The following DEFA5 variants were observed in gnomAD, a reference collection of about 807,000 sequenced individuals.
The protein encoded by DEFA5 is defensin alpha 5.
In DEFA5, 11 loss-of-function variants were observed where a neutral mutation model predicts 8.7. The observed-to-expected ratio is 1.26, with a 90% CI of 0.80 to 2.09. The LOEUF is 2.09. DEFA5 is among the 30% of genes most tolerant of loss of function. DEFA5 has a pLI of 0.00. For synonymous variants in DEFA5, 52 were observed against 43.9 expected, an observed-to-expected ratio of 1.18 and a Z score of -0.73; for missense variants, 181 against 117.2, an observed-to-expected ratio of 1.54 and a Z score of -2.52.
chr8:7,056,559 C>T lies in DEFA5; in HGVS notation c.139G>A (p.Ala47Thr), dbSNP rs1039227183. Residue 47 changes from alanine to threonine, a missense_variant, in exon 1 of 2, where the codon GCA becomes ACA. Coordinates refer to ENST00000330590, the MANE Select transcript of DEFA5 (RefSeq NM_021010.3). ...CTAAGAGCAGAGAGTCCATTTCCTG[C>T]AAAGGAGATAGCAAGGTCCTGGTTG... is the stretch of plus-strand genomic sequence containing the variant. Reference protein sequence around the residue: ...EDNQDLAISFAGNGLSALRTS... With the variant: ...EDNQDLAISFTGNGLSALRTS... The T allele has an allele frequency of 2.5e-6, 4 of 1,613,494 alleles. No individual in the cohort carries two copies. Among genetic ancestry groups the T allele is most frequent in the Non-Finnish European group, 3.4e-6 (4 of 1,179,638 alleles).
intron 1 of DEFA5, among the ~76,000 whole-genome samples, chr8:7,055,889 C>T (rs1812404911): frequency 6.6e-6 from 1 of 152,142 alleles, no homozygotes; most frequent in South Asian, 2.1e-4. Flanking sequence ...ACAAGGCTCC[C>T]TAAAGCACCT....
At chr8:7,055,640 A>G in intron 1 of DEFA5, 97 bp from the exon 2 acceptor site, 1 of 788,214 alleles carries the variant, frequency 1.3e-6, no homozygotes, top group South Asian at 1.5e-5. Flanking sequence ...GAGACACTGT[A>G]TCAGTCATGT....
intron 1 of DEFA5, 95 bp from the exon 2 acceptor site, chr8:7,055,638 G>C: frequency 1.3e-6 from 1 of 796,006 alleles, no homozygotes; most frequent in Admixed American, 2.1e-5. Context: ...AAGAGACACT[G>C]TATCAGTCAT....
intron 1 of DEFA5, among the ~76,000 whole-genome samples, chr8:7,056,088 T>C (rs1812418745): frequency 6.6e-6 from 1 of 151,160 alleles, no homozygotes; most frequent in Non-Finnish European, 1.5e-5. Flanking sequence ...TAATTGTGTA[T>C]ATGTATGAGA....
intron 1 of DEFA5, among the ~76,000 whole-genome samples, 190 bp downstream of exon 1, chr8:7,056,336 T>C (rs1812428573): frequency 6.6e-6 from 1 of 152,180 alleles, no homozygotes; most frequent in African/African-American, 2.4e-5. Flanking sequence ...GAACTGAAAG[T>C]CTTAGAAAAA....
rs901053288 is a variant in DEFA5, at chr8:7,055,594, C to A, written c.173-51G>T. 2.3e-5 allele frequency: 28 copies of A among 1,226,216 alleles called. 1 individual carries two copies. Among genetic ancestry groups the A allele is most frequent in the Middle Eastern group, 1.8e-4 (1 of 5,420 alleles). The allele number at this position is 1,226,216 out of a possible 1,614,324, so 76.0% of individuals were successfully genotyped here. On this transcript the variant is annotated intron_variant, in intron 1 of 1. Coordinates refer to ENST00000330590, the MANE Select transcript of DEFA5 (RefSeq NM_021010.3). ...ACAGCGAGGGAGGTGGGAAAAAGGA[C>A]AAGCACAGCCAGACTAACTGAGATA...
In DEFA5 at chr8:7,056,529, A is replaced by C; in HGVS notation, c.169T>G (p.Ser57Ala). ...GTGCAAGATTGATGTCTCCTACCTGAGGTTCTAAGAGCAGAGAGTCCATTT... is the reference window on the plus strand; with the variant it reads ...GTGCAAGATTGATGTCTCCTACCTGCGGTTCTAAGAGCAGAGAGTCCATTT... The part of the protein sequence containing the change: ...AGNGLSALRT[S>A]GSQARATCYC... The change falls in exon 1 of 2, where the codon TCA becomes GCA. Residue 57 changes from serine (S) to alanine (A), a missense_variant. Coordinates refer to ENST00000330590, the MANE Select transcript of DEFA5 (RefSeq NM_021010.3). 1.2e-6 allele frequency: 2 copies of C among 1,607,170 alleles called. No individual in the cohort carries two copies. The highest frequency in any genetic ancestry group is 1.7e-6 in the Non-Finnish European group (2 of 1,174,842).
intron 1 of DEFA5, 32 bp downstream of exon 1, chr8:7,056,494 T>C (rs765968742): frequency 1.9e-6 from 3 of 1,572,686 alleles, no homozygotes; most frequent in Middle Eastern, 1.7e-4. Context: ...TTTTTCTAGA[T>C]TTTGCAGATG....
In DEFA5 at chr8:7,056,563, G is replaced by A. The variant is rs916472048; in HGVS notation, c.135C>T (p.Ser45=). 2 of 1,613,694 alleles carry A rather than the reference G, an allele frequency of 1.2e-6. No individual in the cohort carries two copies. Among genetic ancestry groups the A allele is most frequent in the Non-Finnish European group, 1.7e-6 (2 of 1,179,768 alleles). Residue 45 remains serine, a synonymous_variant, in exon 1 of 2, where the codon TCC becomes TCT. Transcript: ENST00000330590. Reference sequence around the variant, plus strand: ...GAGCAGAGAGTCCATTTCCTGCAAAGGAGATAGCAAGGTCCTGGTTGTCTT... The same window carrying A: ...GAGCAGAGAGTCCATTTCCTGCAAAAGAGATAGCAAGGTCCTGGTTGTCTT... The part of the protein sequence containing the change: ...SGEDNQDLAI[S]FAGNGLSALR...
intron 1 of DEFA5, 142 bp downstream of exon 1, chr8:7,056,384 A>C (rs553381770): frequency 3.3e-4 from 272 of 830,470 alleles, no homozygotes; most frequent in Non-Finnish European, 4.6e-4. Flanking sequence ...TCACTGATTA[A>C]TTTATAGATG....
At position 7,055,362 on chromosome 8, in the gene DEFA5, G is replaced by C; in HGVS notation, c.*69C>G. ...TTTAGAAAGACACAAGGTACACAGA[G>C]TAAAATGTTTTTCTTTTTTCAGGAC... On this transcript the variant is annotated 3_prime_UTR_variant, in exon 2 of 2. Transcript: ENST00000330590. 8.6e-7 allele frequency: 1 copy of C among 1,166,358 alleles called. No individual in the cohort carries two copies. Among genetic ancestry groups the C allele is most frequent in the Non-Finnish European group, 1.3e-6 (1 of 794,086 alleles). The allele number at this position is 1,166,358 out of a possible 1,614,324, so 72.3% of individuals were successfully genotyped here.
chr8:7,055,432 C>T lies in DEFA5; in HGVS notation c.284G>A (p.Ter95=). Residue 95 remains the stop codon, a stop_retained_variant, in exon 2 of 2, where the codon TGA becomes TAA. Transcript: ENST00000330590. ...SGRLYRLCCR[*] is the part of the protein sequence containing the mutation. ...TGCTTTGGTTTCTATCTAGGAAGCTCAGCGACAGCAGAGTCTGTAGAGGCG... is the reference window on the plus strand; with the variant it reads ...TGCTTTGGTTTCTATCTAGGAAGCTTAGCGACAGCAGAGTCTGTAGAGGCG... 6.2e-7 allele frequency: 1 copy of T among 1,613,014 alleles called. No homozygotes were observed. The highest frequency in any genetic ancestry group is 8.5e-7 in the Non-Finnish European group (1 of 1,179,378).
chr8:7,056,521 C>T lies in DEFA5; in HGVS notation c.172+5G>A, dbSNP rs780257932. The T allele has an allele frequency of 1.9e-6, 3 of 1,604,850 alleles. No individual in the cohort carries two copies. Among genetic ancestry groups the T allele is most frequent in the Admixed American group, 1.7e-5 (1 of 59,712 alleles). ...TTGCAGATGTGCAAGATTGATGTCT[C>T]CTACCTGAGGTTCTAAGAGCAGAGA... On this transcript the variant is annotated splice_donor_5th_base_variant and intron_variant, in intron 1 of 1. Coordinates refer to ENST00000330590, the MANE Select transcript of DEFA5 (RefSeq NM_021010.3).
intron 1 of DEFA5, 51 bp downstream of exon 1, chr8:7,056,475 C>T: frequency 6.5e-7 from 1 of 1,546,506 alleles, no homozygotes; most frequent in Non-Finnish European, 8.8e-7. Flanking sequence ...GATCCTTTCT[C>T]CAATCCTTTT....
At position 7,056,595 on chromosome 8, in the gene DEFA5, A is replaced by G. The variant is rs1812440385; in HGVS notation, c.103T>C (p.Ser35Pro). 2 of 1,614,090 alleles carry G rather than the reference A, an allele frequency of 1.2e-6. No homozygotes were observed. Among genetic ancestry groups the G allele is most frequent in the South Asian group, 1.1e-5 (1 of 91,072 alleles). The change falls in exon 1 of 2, where the codon TCT becomes CCT. Residue 35 changes from serine to proline, a missense_variant. Coordinates refer to ENST00000330590, the MANE Select transcript of DEFA5 (RefSeq NM_021010.3). Reference protein sequence around the residue: ...RADEATTQKQSGEDNQDLAIS... With the variant: ...RADEATTQKQPGEDNQDLAIS... ...GCAAGGTCCTGGTTGTCTTCCCCAG[A>G]CTGCTTCTGGGTTGTAGCCTCATCA... is the stretch of plus-strand genomic sequence containing the variant.
chr8:7,055,455 G>T lies in DEFA5; in HGVS notation c.261C>A (p.Arg87=), dbSNP rs758199894. 6.2e-7 allele frequency: 1 copy of T among 1,613,816 alleles called. No individual in the cohort carries two copies. The highest frequency in any genetic ancestry group is 1.7e-5 in the Admixed American group (1 of 60,004). The change falls in exon 2 of 2, where the codon CGC becomes CGA. Residue 87 remains arginine, a synonymous_variant. Coordinates refer to ENST00000330590, the MANE Select transcript of DEFA5 (RefSeq NM_021010.3). ...SLSGVCEISG[R]LYRLCCR is the part of the protein sequence containing the mutation. ...CTCAGCGACAGCAGAGTCTGTAGAGGCGGCCACTGATTTCACACACCCCGG... is the reference window on the plus strand; with the variant it reads ...CTCAGCGACAGCAGAGTCTGTAGAGTCGGCCACTGATTTCACACACCCCGG...
chr8:7,056,509 A>T lies in DEFA5; in HGVS notation c.172+17T>A. On this transcript the variant is annotated intron_variant, in intron 1 of 1. Coordinates refer to ENST00000330590, the MANE Select transcript of DEFA5 (RefSeq NM_021010.3). Reference sequence around the variant, plus strand: ...TTTTTCTAGATTTTGCAGATGTGCAAGATTGATGTCTCCTACCTGAGGTTC... The same window carrying T: ...TTTTTCTAGATTTTGCAGATGTGCATGATTGATGTCTCCTACCTGAGGTTC... 6.3e-7 allele frequency: 1 copy of T among 1,594,342 alleles called. No individual in the cohort carries two copies. Among genetic ancestry groups the T allele is most frequent in the South Asian group, 1.1e-5 (1 of 89,856 alleles).
chr8:7,056,500 A>C (rs1247634955), intron 1 of DEFA5, 26 bp downstream of exon 1: 2 of 1,578,002 alleles, frequency 1.3e-6, no homozygotes, highest in Non-Finnish European at 1.7e-6. Context: ...TAGATTTTGC[A>C]GATGTGCAAG....
chr8:7,056,377 C>T, intron 1 of DEFA5, 149 bp downstream of exon 1: 1 of 768,826 alleles, frequency 1.3e-6, no homozygotes, highest in Non-Finnish European at 1.9e-6. Flanking sequence ...TTGGTTCTCA[C>T]TGATTAATTT....
Sources: gnomAD v4.1 joint callset for allele counts (sites outside exome capture counted in the v4.1 genomes callset) on GRCh38, gnomAD v4.1.1 for gene constraint, MANE v1.5 for transcripts, NCBI Gene and HGNC (gene_info 2026-07-23, HGNC 2026-07-21) for gene names.